The following STK32C variants were observed in gnomAD, a reference collection of about 807,000 sequenced individuals.
The protein encoded by STK32C is serine/threonine kinase 32C.
A neutral mutation model predicts 56.5 loss-of-function variants in STK32C; 31 were observed. The observed-to-expected ratio is 0.55, with a 90% CI of 0.41 to 0.74. The LOEUF (loss-of-function observed/expected upper bound fraction) is 0.74. Among genes scored for constraint, STK32C ranks in the 30% least tolerant of loss-of-function variants. STK32C has a pLI of 0.00. For synonymous variants in STK32C, 309 were observed against 289.4 expected (o/e 1.07, Z -0.69); for missense variants, 544 against 676.9 (o/e 0.80, Z 2.18).
chr10:132,331,595 C>T (rs894262303), exon 1 of STK32C: 17 of 1,612,908 alleles, frequency 1.1e-5, no homozygotes, highest in Non-Finnish European at 1.4e-5. Flanking sequence ...AGGAGAGACG[C>T]GGGGAGTGAG....
intron 1 of STK32C, among the ~76,000 whole-genome samples, chr10:132,274,508 A>G (rs953184203): frequency 6.6e-6 from 1 of 152,228 alleles, no homozygotes; most frequent in African/African-American, 2.4e-5. Flanking sequence ...GGAAATGTGC[A>G]GTGACAAAAC....
intron 1 of STK32C, among the ~76,000 whole-genome samples, chr10:132,275,152 G>A (rs1444701930): frequency 3.9e-5 from 6 of 152,210 alleles, no homozygotes; most frequent in African/African-American, 4.8e-5. Context: ...CCATCAGCCC[G>A]TCTGGCCTCA....
At chr10:132,237,098 C>A (rs1340290352) in intron 2 of STK32C, among the ~76,000 whole-genome samples, 2 of 152,244 alleles carry the variant, frequency 1.3e-5, no homozygotes, top group Non-Finnish European at 2.9e-5. Flanking sequence ...AGCCTCCCGA[C>A]TGTTGAGACC....
intron 1 of STK32C, among the ~76,000 whole-genome samples, chr10:132,325,765 A>C (rs1362706965): frequency 1.4e-5 from 2 of 144,432 alleles, no homozygotes; most frequent in Non-Finnish European, 3.0e-5. Flanking sequence ...TCTGTTGCCC[A>C]GGCTGGGGTG....
At chr10:132,214,054 T>A (rs935273530) in intron 10 of STK32C, among the ~76,000 whole-genome samples, 1 of 151,774 alleles carries the variant, frequency 6.6e-6, no homozygotes, top group Non-Finnish European at 1.5e-5. Flanking sequence ...ACACGCATAA[T>A]TGGATTTCCA....
At chr10:132,231,166 G>A (rs1044329434) in intron 2 of STK32C, among the ~76,000 whole-genome samples, 5 of 152,236 alleles carry the variant, frequency 3.3e-5, no homozygotes, top group Admixed American at 6.5e-5. Flanking sequence ...CCCACAGCCA[G>A]GGAGCAGGGA....
chr10:132,267,597 A>G (rs2138119363), intron 1 of STK32C, among the ~76,000 whole-genome samples: 1 of 142,878 alleles, frequency 7.0e-6, no homozygotes, highest in East Asian at 2.2e-4. Flanking sequence ...GTGCATGTGC[A>G]TGCATGTGTA....
At chr10:132,238,586 G>C (rs943537713) in intron 2 of STK32C, among the ~76,000 whole-genome samples, 1 of 152,162 alleles carries the variant, frequency 6.6e-6, no homozygotes, top group Non-Finnish European at 1.5e-5. Flanking sequence ...TCATGCAGGG[G>C]ATGTGGGCTC....
chr10:132,288,409 A>C (rs1175561393), intron 1 of STK32C, among the ~76,000 whole-genome samples: 1 of 152,266 alleles, frequency 6.6e-6, no homozygotes, highest in Admixed American at 6.5e-5. Flanking sequence ...AGAACTAAAG[A>C]GGAATGAGAC....
chr10:132,222,487 G>A (rs1448940257), intron 10 of STK32C, among the ~76,000 whole-genome samples, 154 bp downstream of exon 10: 1 of 152,178 alleles, frequency 6.6e-6, no homozygotes, highest in Non-Finnish European at 1.5e-5. Context: ...AAAGGCAGAA[G>A]GGAGGTCTCT....
intron 1 of STK32C, among the ~76,000 whole-genome samples, chr10:132,294,597 C>T (rs372495088): frequency 7.2e-5 from 11 of 152,310 alleles, no homozygotes; most frequent in South Asian, 6.2e-4. Flanking sequence ...TCTCCACTCT[C>T]GGGACACGAA....
chr10:132,211,889 C>G (rs2062313578), intron 10 of STK32C, among the ~76,000 whole-genome samples: 1 of 152,128 alleles, frequency 6.6e-6, no homozygotes, highest in South Asian at 2.1e-4. Context: ...CATCTCCCAT[C>G]CCGAGAAGGG....
chr10:132,330,526 T>C (rs911098304), intron 1 of STK32C: 11 of 716,634 alleles, frequency 1.5e-5, no homozygotes, highest in East Asian at 8.1e-5. Context: ...AACTTTTTTT[T>C]TGAGACAGGG....
chr10:132,316,508 A>T (rs567833004), intron 1 of STK32C, among the ~76,000 whole-genome samples: 2 of 152,206 alleles, frequency 1.3e-5, no homozygotes, highest in East Asian at 3.9e-4. Flanking sequence ...AGTCCCTGCT[A>T]CTCGGGAGGC....
intron 2 of STK32C, 70 bp from the exon 3 acceptor site, chr10:132,228,198 G>C (rs1408306594): frequency 1.2e-6 from 2 of 1,602,176 alleles, no homozygotes; most frequent in Non-Finnish European, 1.7e-6. Flanking sequence ...ACCTGGAAAT[G>C]CATGGGGATG....
chr10:132,234,047 C>T (rs2063190367), intron 2 of STK32C, among the ~76,000 whole-genome samples: 1 of 152,218 alleles, frequency 6.6e-6, no homozygotes, highest in Non-Finnish European at 1.5e-5. Context: ...GGATTCTTGG[C>T]TATCTTCAAA....
chr10:132,253,482 G>A (rs1376788093), intron 1 of STK32C, among the ~76,000 whole-genome samples: 1 of 139,890 alleles, frequency 7.1e-6, no homozygotes, highest in Non-Finnish European at 1.5e-5. Context: ...AGGGAGTCGA[G>A]GGAGCTGGAG....
intron 1 of STK32C, among the ~76,000 whole-genome samples, chr10:132,316,524 C>T (rs1015111168): frequency 4.6e-4 from 70 of 152,184 alleles, no homozygotes; most frequent in Non-Finnish European, 1.3e-4. Flanking sequence ...GAGGCTAAGG[C>T]GGGAGGATCC....
intron 1 of STK32C, among the ~76,000 whole-genome samples, chr10:132,253,542 A>C (rs2063993063): frequency 9.8e-6 from 1 of 102,194 alleles, no homozygotes. Context: ...AGCTGGAGGG[A>C]GTCGAGGGAG....
Sources: allele counts gnomAD v4.1 joint callset (sites outside exome capture counted in the v4.1 genomes callset), GRCh38; gene constraint gnomAD v4.1.1; transcripts MANE v1.5; gene names NCBI Gene and HGNC (gene_info 2026-07-23, HGNC 2026-07-21).